The following PTPRD variants were observed in gnomAD, a reference collection of about 807,000 sequenced individuals.
PTPRD encodes protein tyrosine phosphatase receptor type D, also known as receptor-type tyrosine-protein phosphatase delta.
Under a neutral mutation model 214.5 loss-of-function variants are expected in PTPRD, and 34 were observed. The observed-to-expected ratio is 0.16, with a 90% confidence interval of 0.12 to 0.21. The LOEUF (loss-of-function observed/expected upper bound fraction) is 0.21, where lower values mean the gene tolerates loss of function less well. Among genes scored for constraint, PTPRD ranks in the 10% least tolerant of loss-of-function variants. PTPRD has a pLI of 1.00. For missense variants in PTPRD, 2,545 were observed against 2,398.7 expected, an observed-to-expected ratio of 1.06 and a Z score of -1.27; for synonymous variants, 1,128 against 845.7, an observed-to-expected ratio of 1.33 and a Z score of -5.79.
chr9:10,508,817 A>G (rs1009418763), intron 2 of PTPRD, among the ~76,000 whole-genome samples: 4 of 152,120 alleles, frequency 2.6e-5, no homozygotes, highest in Admixed American at 6.6e-5. Context: ...GAGGGGAAGG[A>G]AAGCATTAGG....
At chr9:8,913,718 G>C (rs1329842150) in intron 11 of PTPRD, among the ~76,000 whole-genome samples, 1 of 152,096 alleles carries the variant, frequency 6.6e-6, no homozygotes. Context: ...CAAATGAAGA[G>C]TGACTAGAAA....
chr9:9,548,336 G>A (rs942742769), intron 8 of PTPRD, among the ~76,000 whole-genome samples: 2 of 151,618 alleles, frequency 1.3e-5, no homozygotes, highest in African/African-American at 4.8e-5. Flanking sequence ...TTCAATTAAA[G>A]GGCAAAGATT....
intron 11 of PTPRD, among the ~76,000 whole-genome samples, chr9:8,775,343 G>T (rs1347948136): frequency 6.6e-6 from 1 of 152,112 alleles, no homozygotes; most frequent in African/African-American, 2.4e-5. Context: ...GCTTCCTGAG[G>T]CAGTAAGACT....
In PTPRD at chr9:8,752,943, A is replaced by T. The variant is rs146857536; in HGVS notation, c.-103-18997T>A. ...AAAGCTGACAATACAAAAGTGTTTA[A>T]TATTTTCCTCATGCACTATAAAACA... is the stretch of plus-strand genomic sequence containing the variant. On this transcript the variant is annotated intron_variant, in intron 11 of 45. Transcript: ENST00000381196. Among the ~76,000 whole-genome samples, 3 of 152,330 alleles carry T rather than the reference A, an allele frequency of 2.0e-5. No homozygotes were observed. The East Asian group carries it at 5.8e-4, about 29-fold the overall frequency.
rs1352623224 is a variant in PTPRD at position 8,386,194 on chromosome 9, C to T, written c.4386+3038G>A. On this transcript the variant is annotated intron_variant, in intron 37 of 45. Transcript: ENST00000381196. ...TCAAGTAAACTTGCTCATTGTCACA[C>T]AGCTAGTAGAGGCTAGAGTTGGTAT... 2.0e-5 allele frequency among the ~76,000 whole-genome samples: 3 copies of T among 152,154 alleles called. No homozygotes were observed. The East Asian group carries it at 5.8e-4, about 29-fold the overall frequency.
chr9:10,025,806 T>C (rs1237266314), intron 4 of PTPRD, among the ~76,000 whole-genome samples: 1 of 152,152 alleles, frequency 6.6e-6, no homozygotes, highest in East Asian at 1.9e-4. Context: ...CAAGTCAAGA[T>C]TGAAAGACTC....
At chr9:10,253,646 A>G (rs2092989642) in intron 3 of PTPRD, among the ~76,000 whole-genome samples, 1 of 152,216 alleles carries the variant, frequency 6.6e-6, no homozygotes, top group Admixed American at 6.5e-5. Context: ...AATCTGTTGG[A>G]CGAAGGAAGA....
intron 11 of PTPRD, among the ~76,000 whole-genome samples, chr9:8,892,531 G>GTA (rs1370048757): frequency 1.3e-5 from 2 of 149,260 alleles, no homozygotes; most frequent in Non-Finnish European, 3.0e-5. Flanking sequence ...ATATGTGTGT[G>GTA]TATATATATG....
At position 10,269,662 on chromosome 9, in the gene PTPRD, A is replaced by C. The variant is rs75051654; in HGVS notation, c.-545+71301T>G. On this transcript the variant is annotated intron_variant, in intron 3 of 45. Coordinates refer to ENST00000381196, the MANE Select transcript of PTPRD (RefSeq NM_002839.4). The stretch of plus-strand genomic sequence containing the variant: ...AGAGTGCTGTCTTGTAGAAAGTTCA[A>C]GATATAGTCCTTTATTAACTGTAAC... Among the ~76,000 whole-genome samples the C allele has an allele frequency of 3.3e-3, 509 of 152,288 alleles. 7 individuals carry two copies. The highest frequency in any genetic ancestry group is 0.033 in the East Asian group (173 of 5,178).
intron 8 of PTPRD, among the ~76,000 whole-genome samples, chr9:9,446,006 T>C (rs2090274635): frequency 1.3e-5 from 2 of 152,204 alleles, no homozygotes; most frequent in South Asian, 4.1e-4. Context: ...TTCAACTGAA[T>C]TTAAAGAACT....
intron 3 of PTPRD, among the ~76,000 whole-genome samples, chr9:10,109,041 C>G (rs543667405): frequency 1.3e-5 from 2 of 152,114 alleles, no homozygotes; most frequent in East Asian, 3.9e-4. Flanking sequence ...AGGTAAGGCA[C>G]TAAAACAGGC....
intron 9 of PTPRD, among the ~76,000 whole-genome samples, chr9:9,354,519 T>C (rs2052886652): frequency 7.1e-6 from 1 of 141,836 alleles, no homozygotes; most frequent in South Asian, 2.2e-4. Context: ...TTTAAAAACC[T>C]ACATTTTTTT....
At chr9:8,559,591 G>C (rs1481785471) in intron 14 of PTPRD, among the ~76,000 whole-genome samples, 1 of 152,306 alleles carries the variant, frequency 6.6e-6, no homozygotes, top group Non-Finnish European at 1.5e-5. Context: ...TCAAGGATGA[G>C]AAGCCCAACA....
chr9:9,483,238 A>G (rs563852678), intron 8 of PTPRD, among the ~76,000 whole-genome samples: 1 of 152,296 alleles, frequency 6.6e-6, no homozygotes, highest in South Asian at 2.1e-4. Context: ...TGATGATCAC[A>G]GGTGCATTTT....
intron 3 of PTPRD, among the ~76,000 whole-genome samples, chr9:10,255,417 T>C (rs2154371873): frequency 6.6e-6 from 1 of 152,286 alleles, no homozygotes; most frequent in East Asian, 1.9e-4. Context: ...CATCTAAACA[T>C]ATTTAAACAC....
intron 5 of PTPRD, among the ~76,000 whole-genome samples, chr9:9,840,688 G>A (rs201902543): frequency 1.5e-5 from 2 of 137,868 alleles, no homozygotes; most frequent in South Asian, 2.4e-4. Flanking sequence ...GCTTGAACAC[G>A]GGAGGCAGAG....
chr9:9,256,962 C>G (rs1227508642), intron 9 of PTPRD, among the ~76,000 whole-genome samples: 1 of 151,982 alleles, frequency 6.6e-6, no homozygotes, highest in African/African-American at 2.4e-5. Flanking sequence ...AGCCTTTATT[C>G]TTGCTCATGC....
At chr9:8,823,000 A>C (rs1025229045) in intron 11 of PTPRD, among the ~76,000 whole-genome samples, 2 of 152,128 alleles carry the variant, frequency 1.3e-5, no homozygotes, top group African/African-American at 2.4e-5. Flanking sequence ...GAAATCTTCC[A>C]ATGCTTTCCC....
intron 5 of PTPRD, among the ~76,000 whole-genome samples, chr9:9,780,261 G>A (rs1444660456): frequency 1.3e-5 from 2 of 152,100 alleles, no homozygotes; most frequent in African/African-American, 4.8e-5. Context: ...TCCAAGAGGG[G>A]TCAGTGAGGG....
Sources: gnomAD v4.1 joint callset for allele counts (sites outside exome capture counted in the v4.1 genomes callset) on GRCh38, gnomAD v4.1.1 for gene constraint, MANE v1.5 for transcripts, NCBI Gene and HGNC (gene_info 2026-07-23, HGNC 2026-07-21) for gene names.